The following BNIP5 variants were observed in gnomAD, a reference collection of about 807,000 sequenced individuals.
BNIP5 encodes the protein protein BNIP5.
A neutral mutation model predicts 67.3 loss-of-function variants in BNIP5; 61 were observed. That is an observed-to-expected ratio of 0.91 (90% confidence interval 0.74 to 1.12). The LOEUF (loss-of-function observed/expected upper bound fraction) is 1.12, where lower values mean the gene tolerates loss of function less well. Ranked by LOEUF, BNIP5 falls within the 50% of genes most tolerant of loss-of-function variation. BNIP5 has a pLI of 0.00. For missense variants in BNIP5, 826 were observed against 816.3 expected (o/e 1.01, Z -0.14); for synonymous variants, 317 against 319.0 (o/e 0.99, Z 0.07).
chr6:36,319,722 G>A (rs1771595752), intron 10 of BNIP5, 112 bp from the exon 11 acceptor site: 57 of 1,258,804 alleles, frequency 4.5e-5, no homozygotes, highest in Middle Eastern at 2.6e-4. Context: ...TCCCTGGGAT[G>A]AGCTCCCCTT....
chr6:36,330,436 G>A lies in BNIP5; in HGVS notation c.255C>T (p.Leu85=). 2 of 1,614,188 alleles carry A rather than the reference G, an allele frequency of 1.2e-6. No individual in the cohort carries two copies. The highest frequency in any genetic ancestry group is 1.7e-6 in the Non-Finnish European group (2 of 1,180,044). The change falls in exon 2 of 12, where the codon CTC becomes CTT. Residue 85 remains leucine (L), a synonymous_variant. Transcript: ENST00000437635. ...CTTGCGAAGGCCTCTGCTCGCTGGG[G>A]AGAAAATCTCCGGTCTCCTCGGGAG... ...APTPEETGDF[L]PSEQRPSQDT...
Position 36,330,244 on chromosome 6 carries a change from G to A in BNIP5, c.447C>T (p.His149=). The change falls in exon 2 of 12, where the codon CAC becomes CAT. Residue 149 remains histidine, a synonymous_variant. Transcript: ENST00000437635. ...AGEPALRKKA[H]HDKKPSRKKQ... ...TCTTGCGGCTGGGCTTCTTGTCGTG[G>A]TGGGCTTTCTTCCTGAGGGCTGGCT... is the stretch of plus-strand genomic sequence containing the variant. 2 of 1,614,196 alleles carry A rather than the reference G, an allele frequency of 1.2e-6. No homozygotes were observed. The highest frequency in any genetic ancestry group is 1.6e-4 in the Middle Eastern group (1 of 6,062).
intron 2 of BNIP5, among the ~76,000 whole-genome samples, 183 bp downstream of exon 2, chr6:36,329,898 G>GAGGA (rs1245822522): frequency 6.7e-6 from 1 of 150,304 alleles, no homozygotes; most frequent in African/African-American, 2.5e-5. Flanking sequence ...AGGAGGAGGA[G>GAGGA]AGGAAGGAAG....
intron 9 of BNIP5, 73 bp downstream of exon 9, chr6:36,322,238 T>C: frequency 6.3e-7 from 1 of 1,580,462 alleles, no homozygotes; most frequent in South Asian, 1.1e-5. Context: ...CCATCCCCTA[T>C]TCAGCCTGTG....
chr6:36,329,815 A>AAAAG (rs1028079934), intron 2 of BNIP5, among the ~76,000 whole-genome samples: 1 of 151,880 alleles, frequency 6.6e-6, no homozygotes, highest in Non-Finnish European at 1.5e-5. Flanking sequence ...TCAAAAAGAA[A>AAAAG]AAAGAAAGAA....
At chr6:36,329,989 CCCCGACTAT>C (rs1771850634) in intron 2 of BNIP5, 83 bp downstream of exon 2, 1 of 1,420,580 alleles carries the variant, frequency 7.0e-7, no homozygotes, top group African/African-American at 1.4e-5. Context: ...CTGACAGCTC[CCCCGACTAT>C]CCCTGTCCCT....
rs989084968 is a variant in BNIP5, at chr6:36,323,342, A to C, written c.1422T>G (p.Phe474Leu). 9 of 1,614,142 alleles carry C rather than the reference A, an allele frequency of 5.6e-6. No homozygotes were observed. Among genetic ancestry groups the C allele is most frequent in the Non-Finnish European group, 7.6e-6 (9 of 1,180,052 alleles). ...PEARRPKRPSFLPLCVGGHRP... is the reference protein window; with the variant it reads ...PEARRPKRPSLLPLCVGGHRP... ...GATGGCCACCAACACACAGGGGCAG[A>C]AAGCTGGGCCTCTTGGGTCGTCGGG... The change falls in exon 8 of 12, where the codon TTT becomes TTG. Residue 474 changes from phenylalanine (F) to leucine (L), a missense_variant. Transcript: ENST00000437635.
chr6:36,323,545 A>T lies in BNIP5; in HGVS notation c.1231-12T>A. On this transcript the variant is annotated splice_polypyrimidine_tract_variant and intron_variant, in intron 7 of 11. Transcript: ENST00000437635. ...TGGACTTGAGGTTGCTGTGGGGGAG[A>T]TGAGAGAAACTGAGTCAGGGCCCCT... is the stretch of plus-strand genomic sequence containing the variant. 1 of 1,613,434 alleles carries T rather than the reference A, an allele frequency of 6.2e-7. No individual in the cohort carries two copies. Among genetic ancestry groups the T allele is most frequent in the South Asian group, 1.1e-5 (1 of 91,048 alleles).
chr6:36,331,600 G>A (rs1055504244), intron 1 of BNIP5, among the ~76,000 whole-genome samples: 3 of 152,150 alleles, frequency 2.0e-5, no homozygotes, highest in Admixed American at 6.5e-5. Flanking sequence ...AATATTCCAC[G>A]AGGCAGCTCC....
At position 36,330,520 on chromosome 6, in the gene BNIP5, T is replaced by C. The variant is rs753003318; in HGVS notation, c.171A>G (p.Arg57=). The change falls in exon 2 of 12, where the codon AGA becomes AGG. Residue 57 remains arginine, a synonymous_variant. Coordinates refer to ENST00000437635, the MANE Select transcript of BNIP5 (RefSeq NM_001010903.5). ...ALHWTTSDWA[R]HSDSPAPSAE... ...CAGATGGAGCTGGGCTGTCTGAATG[T>C]CTGGCCCAATCACTGGTCGTCCAGT... is the stretch of plus-strand genomic sequence containing the variant. The C allele has an allele frequency of 1.3e-5, 21 of 1,613,952 alleles. No homozygotes were observed. In the Admixed American group the frequency reaches 2.5e-4, roughly 19 times the overall value.
intron 3 of BNIP5, 105 bp from the exon 4 acceptor site, chr6:36,327,199 A>C: frequency 1.0e-6 from 1 of 990,444 alleles, no homozygotes; most frequent in Admixed American, 2.0e-5. Flanking sequence ...TAGGCCACAC[A>C]ATGGAGGGAA....
chr6:36,333,146 C>T (rs909350885), intron 1 of BNIP5, among the ~76,000 whole-genome samples: 8 of 152,184 alleles, frequency 5.3e-5, no homozygotes, highest in Admixed American at 1.3e-4. Context: ...GAAGGTGACA[C>T]GAACATTTGG....
chr6:36,333,735 A>G (rs1771952233), intron 1 of BNIP5, among the ~76,000 whole-genome samples: 1 of 152,258 alleles, frequency 6.6e-6, no homozygotes. Context: ...ACATGGTCTT[A>G]AAAGAAGATA....
chr6:36,324,429 C>G (rs886071750), intron 6 of BNIP5, among the ~76,000 whole-genome samples: 23 of 151,012 alleles, frequency 1.5e-4, no homozygotes, highest in African/African-American at 5.3e-4. Flanking sequence ...AGGCCCATTC[C>G]CTACAGGTGC....
Position 36,328,673 on chromosome 6 carries a change from C to A in BNIP5, c.652G>T (p.Asp218Tyr). 2 of 1,614,054 alleles carry A rather than the reference C, an allele frequency of 1.2e-6. No homozygotes were observed. The highest frequency in any genetic ancestry group is 1.7e-6 in the Non-Finnish European group (2 of 1,179,926). ...SDHQSFLIKV[D>Y]GTGALDVSPH... ...GAAACATCCAAAGCTCCAGTACCAT[C>A]CACTTTGATGAGGAAGGACTGGTGA... The change falls in exon 3 of 12, where the codon GAT becomes TAT. Residue 218 changes from aspartate (D) to tyrosine (Y), a missense_variant. By Grantham distance (160) the Asp-to-Tyr change is radical (BLOSUM62 -3). Transcript: ENST00000437635.
chr6:36,321,869 G>A (rs1403721312), intron 9 of BNIP5, among the ~76,000 whole-genome samples: 1 of 152,154 alleles, frequency 6.6e-6, no homozygotes, highest in Non-Finnish European at 1.5e-5. Context: ...CACCATGCCA[G>A]GCTAATTCAT....
intron 7 of BNIP5, among the ~76,000 whole-genome samples, 171 bp downstream of exon 7, chr6:36,323,958 C>A (rs943134056): frequency 6.6e-6 from 1 of 151,166 alleles, no homozygotes; most frequent in South Asian, 2.1e-4. Flanking sequence ...CATGATCGAG[C>A]CACTGTGCTT....
rs200280302 is a variant in BNIP5 at position 36,319,510 on chromosome 6, G to A, written c.1769C>T (p.Ser590Phe). 8.1e-6 allele frequency: 13 copies of A among 1,614,094 alleles called. No individual in the cohort carries two copies. Among genetic ancestry groups the A allele is most frequent in the African/African-American group, 4.0e-5 (3 of 74,922 alleles). The change falls in exon 11 of 12, where the codon TCT (serine) becomes TTT (phenylalanine). Residue 590 changes from serine to phenylalanine, a missense_variant. Coordinates refer to ENST00000437635, the MANE Select transcript of BNIP5 (RefSeq NM_001010903.5). ...ATLRSQVAHSSKLDRNRARRL... is the reference protein window; with the variant it reads ...ATLRSQVAHSFKLDRNRARRL... ...CCTGGCGCGGTTCCTGTCCAGCTTA[G>A]AGGAGTGAGCCACCTGGCTGCGCAG...
chr6:36,331,388 G>A (rs1432659218), intron 1 of BNIP5, among the ~76,000 whole-genome samples: 1 of 152,192 alleles, frequency 6.6e-6, no homozygotes, highest in Admixed American at 6.5e-5. Flanking sequence ...AGAACTGCAT[G>A]ATAATTAATT....
Sources: gnomAD v4.1 joint callset for allele counts (sites outside exome capture counted in the v4.1 genomes callset) on GRCh38, gnomAD v4.1.1 for gene constraint, MANE v1.5 for transcripts, NCBI Gene and HGNC (gene_info 2026-07-23, HGNC 2026-07-21) for gene names.